CDKAL1: variants seen among roughly 807,000 people sequenced by gnomAD.
The protein encoded by CDKAL1 is threonylcarbamoyladenosine tRNA methylthiotransferase.
In CDKAL1, 32 loss-of-function variants were observed where a neutral mutation model predicts 68.2. That is an observed-to-expected ratio of 0.47 (90% confidence interval 0.35 to 0.63). The LOEUF (loss-of-function observed/expected upper bound fraction) is 0.63, where lower values mean the gene tolerates loss of function less well. CDKAL1 is among the 30% of genes least tolerant of loss of function. The pLI, the probability that CDKAL1 is intolerant of heterozygous loss-of-function variation, is 0.00. For missense variants in CDKAL1, 606 were observed against 696.7 expected (o/e 0.87, Z 1.47); for synonymous variants, 234 against 244.3 (o/e 0.96, Z 0.39).
At chr6:20,776,641 A>G (rs1461934747) in intron 7 of CDKAL1, among the ~76,000 whole-genome samples, 1 of 152,214 alleles carries the variant, frequency 6.6e-6, no homozygotes, top group Non-Finnish European at 1.5e-5. Flanking sequence ...TGCATTTAAT[A>G]TGCTTCTGTC....
In CDKAL1 at chr6:20,649,321, C is replaced by T. The variant is rs9465854; in HGVS notation, c.315C>T (p.Leu105=). ...ATGCATCCGATGCAGATTTATGGCT[C>T]CTGAACAGTTGCACTGTAAAAAACC... The part of the protein sequence containing the change: ...TENASDADLW[L]LNSCTVKNPA... The change falls in exon 5 of 16, where the codon CTC becomes CTT. Residue 105 remains leucine, a synonymous_variant. Coordinates refer to ENST00000274695, the MANE Select transcript of CDKAL1 (RefSeq NM_017774.3). 20,036 of 1,607,872 alleles carry T rather than the reference C, an allele frequency of 0.012. 1,753 individuals are homozygous for T. The African/African-American group carries it at 0.21, about 17-fold the overall frequency.
chr6:21,166,362 A>G (rs1777152154), intron 13 of CDKAL1, among the ~76,000 whole-genome samples: 1 of 152,168 alleles, frequency 6.6e-6, no homozygotes, highest in Non-Finnish European at 1.5e-5. Context: ...TTAGATTTGG[A>G]CTTTGTAAAG....
chr6:21,050,311 T>C (rs935489770), intron 11 of CDKAL1, among the ~76,000 whole-genome samples: 1 of 152,272 alleles, frequency 6.6e-6, no homozygotes, highest in Non-Finnish European at 1.5e-5. Flanking sequence ...GACCTCTGGC[T>C]GGCAACGCCC....
intron 4 of CDKAL1, among the ~76,000 whole-genome samples, chr6:20,625,479 T>C (rs962321841): frequency 2.6e-5 from 4 of 152,120 alleles, no homozygotes; most frequent in African/African-American, 9.7e-5. Flanking sequence ...ACTAAATGAA[T>C]TGAAAAGTTC....
intron 11 of CDKAL1, among the ~76,000 whole-genome samples, chr6:21,026,333 C>T (rs1236727844): frequency 6.6e-6 from 1 of 151,918 alleles, no homozygotes; most frequent in Non-Finnish European, 1.5e-5. Context: ...TTGTGGAATT[C>T]TTCTGAAACA....
At chr6:20,787,294 G>A (rs890357632) in intron 8 of CDKAL1, among the ~76,000 whole-genome samples, 2 of 151,890 alleles carry the variant, frequency 1.3e-5, no homozygotes, top group Admixed American at 1.3e-4. Context: ...TAACACTCTG[G>A]CTTTGCGAAA....
intron 15 of CDKAL1, among the ~76,000 whole-genome samples, chr6:21,212,550 GACA>G (rs1269783932): frequency 6.6e-6 from 1 of 152,114 alleles, no homozygotes. Context: ...TGATGAAAGT[GACA>G]GCCTATCTCT....
chr6:20,654,688 A>G lies in CDKAL1; in HGVS notation c.371+5311A>G, dbSNP rs559075406. The stretch of plus-strand genomic sequence containing the variant: ...TTCTCTGTAGATAACCAATTGTTTC[A>G]GTATCATTTATTTATTTAAGTTCTA... On this transcript the variant is annotated intron_variant, in intron 5 of 15. Transcript: ENST00000274695. Among the ~76,000 whole-genome samples the G allele has an allele frequency of 5.9e-5, 9 of 152,206 alleles. 1 individual carries two copies. In the South Asian group the frequency reaches 1.7e-3, roughly 28 times the overall value.
intron 5 of CDKAL1, among the ~76,000 whole-genome samples, chr6:20,668,684 C>A (rs1466720501): frequency 6.6e-6 from 1 of 152,188 alleles, no homozygotes; most frequent in African/African-American, 2.4e-5. Flanking sequence ...ATGCAGTGAT[C>A]AAACCAGAGA....
At chr6:21,017,110 T>C (rs1193448325) in intron 11 of CDKAL1, among the ~76,000 whole-genome samples, 3 of 152,224 alleles carry the variant, frequency 2.0e-5, no homozygotes, top group Non-Finnish European at 4.4e-5. Context: ...ATAGACAATC[T>C]CCTTATAGAT....
At chr6:21,058,853 G>A (rs756425908) in intron 11 of CDKAL1, among the ~76,000 whole-genome samples, 1 of 147,300 alleles carries the variant, frequency 6.8e-6, no homozygotes, top group Admixed American at 6.7e-5. Flanking sequence ...AAGGTGTCTG[G>A]TGACTCCTGT....
intron 5 of CDKAL1, among the ~76,000 whole-genome samples, chr6:20,709,507 C>T (rs1266752701): frequency 1.3e-5 from 2 of 152,084 alleles, no homozygotes; most frequent in African/African-American, 4.8e-5. Flanking sequence ...GATAAGGGAT[C>T]CTCAACCTGT....
chr6:21,119,636 C>A (rs934148057), intron 13 of CDKAL1, among the ~76,000 whole-genome samples: 5 of 152,238 alleles, frequency 3.3e-5, no homozygotes, highest in African/African-American at 1.2e-4. Flanking sequence ...TTTCTCCTTC[C>A]ATGTTTGTTG....
chr6:20,826,249 G>A (rs1159908287), intron 8 of CDKAL1, among the ~76,000 whole-genome samples: 1 of 152,074 alleles, frequency 6.6e-6, no homozygotes, highest in East Asian at 1.9e-4. Flanking sequence ...GAGGAGGGGA[G>A]CCCACTTAAA....
At chr6:20,831,886 TC>T (rs1247103050) in intron 8 of CDKAL1, among the ~76,000 whole-genome samples, 1 of 152,212 alleles carries the variant, frequency 6.6e-6, no homozygotes, top group Non-Finnish European at 1.5e-5. Context: ...TTCTTCGGCA[TC>T]TTCTCATGTA....
chr6:20,941,529 A>G (rs977345276), intron 9 of CDKAL1, among the ~76,000 whole-genome samples: 27 of 152,212 alleles, frequency 1.8e-4, no homozygotes, highest in Non-Finnish European at 3.8e-4. Context: ...CAAACTGGAT[A>G]ATTCTTATTT....
intron 15 of CDKAL1, among the ~76,000 whole-genome samples, chr6:21,208,050 G>A (rs1157423219): frequency 6.6e-6 from 1 of 151,246 alleles, no homozygotes; most frequent in East Asian, 1.9e-4. Flanking sequence ...ATTCTAGAAT[G>A]GAGGCCTGGA....
chr6:21,186,999 A>G (rs191394415), intron 13 of CDKAL1, among the ~76,000 whole-genome samples: 1 of 152,348 alleles, frequency 6.6e-6, no homozygotes, highest in Non-Finnish European at 1.5e-5. Flanking sequence ...TATCAAAACT[A>G]TTATCATTTC....
chr6:20,576,531 T>G (rs750033803), intron 4 of CDKAL1, among the ~76,000 whole-genome samples: 1 of 152,234 alleles, frequency 6.6e-6, no homozygotes, highest in Non-Finnish European at 1.5e-5. Flanking sequence ...AAGCAATTCT[T>G]ATTTTATTAA....
Sources: gnomAD v4.1 joint callset for allele counts (sites outside exome capture counted in the v4.1 genomes callset) on GRCh38, gnomAD v4.1.1 for gene constraint, MANE v1.5 for transcripts, NCBI Gene and HGNC (gene_info 2026-07-23, HGNC 2026-07-21) for gene names.